VEGFA: variants seen among roughly 807,000 people sequenced by gnomAD.
VEGFA encodes vascular endothelial growth factor A, also known as vascular endothelial growth factor A, long form.
In VEGFA, 20 loss-of-function variants were observed where a neutral mutation model predicts 49.7. The ratio of observed to expected loss-of-function variants is 0.40; its 90% CI spans 0.28 to 0.58. The LOEUF (loss-of-function observed/expected upper bound fraction) is 0.58. VEGFA is among the 20% of genes least tolerant of loss of function. The pLI, the probability that VEGFA is intolerant of heterozygous loss-of-function variation, is 0.40. For synonymous variants in VEGFA, 219 were observed against 223.4 expected (o/e 0.98, Z 0.18); for missense variants, 505 against 553.5 (o/e 0.91, Z 0.88).
At chr6:43,781,442 G>A (rs1409665564) in intron 6 of VEGFA, 3 of 241,412 alleles carry the variant, frequency 1.2e-5, no homozygotes, top group African/African-American at 6.8e-5. Flanking sequence ...GGAGGCTGTG[G>A]TGGGCCCTGC....
At position 43,770,789 on chromosome 6, in the gene VEGFA, C is replaced by T. The variant is rs201786558; in HGVS notation, c.83C>T (p.Ala28Val). ...CGGCGGCGGACAGTGGACGCGGCGGCGAGCCGCGGGCAGGGGCCGGAGCCC... is the reference window on the plus strand; with the variant it reads ...CGGCGGCGGACAGTGGACGCGGCGGTGAGCCGCGGGCAGGGGCCGGAGCCC... Residue 28 changes from alanine (A) to valine (V), a missense_variant, in exon 1 of 8, where the codon GCG becomes GTG. This residue lies in a region of VEGFA where 340 missense variants were observed against 321.8 expected (regional missense o/e 1.06). Transcript: ENST00000672860. 1 of 1,473,752 alleles carries T rather than the reference C, an allele frequency of 6.8e-7. No individual in the cohort carries two copies. Among genetic ancestry groups the T allele is most frequent in the South Asian group, 1.4e-5 (1 of 73,168 alleles). The allele number at this position is 1,473,752 out of a possible 1,614,324, so 91.3% of individuals were successfully genotyped here.
At chr6:43,771,463 C>A in intron 1 of VEGFA, 151 bp downstream of exon 1, 1 of 810,448 alleles carries the variant, frequency 1.2e-6, no homozygotes, top group Non-Finnish European at 1.8e-6. Context: ...GTCTTAGGTG[C>A]AGGGGGAGGG....
chr6:43,774,111 A>T, intron 1 of VEGFA: 1 of 599,210 alleles, frequency 1.7e-6, no homozygotes, highest in South Asian at 1.9e-5. Context: ...AGCCCCCAAC[A>T]TCTGGTTAGT....
In VEGFA at chr6:43,781,753, G is replaced by A. The variant is rs3025023; in HGVS notation, c.1035-203G>A. ...CCCGTCTGTGCCCGCCTCTTCCTGC[G>A]GCAGGTGTCCTAGCCAGTGCTGCCT... is the stretch of plus-strand genomic sequence containing the variant. On this transcript the variant is annotated intron_variant, in intron 6 of 7. Transcript: ENST00000672860. The A allele has an allele frequency of 3.8e-3, 2,298 of 605,194 alleles. 48 individuals carry two copies. The highest frequency in any genetic ancestry group is 0.037 in the African/African-American group (2,019 of 54,206). The allele number at this position is 605,194 out of a possible 1,614,324, so 37.5% of individuals were successfully genotyped here.
chr6:43,777,717 C>T lies in VEGFA; in HGVS notation c.855+52C>T. 6.8e-7 allele frequency: 1 copy of T among 1,479,056 alleles called. No individual in the cohort carries two copies. Among genetic ancestry groups the T allele is most frequent in the Non-Finnish European group, 9.2e-7 (1 of 1,086,098 alleles). The allele number at this position is 1,479,056 out of a possible 1,614,324, so 91.6% of individuals were successfully genotyped here. Reference sequence around the variant, plus strand: ...GGGGGGGATAGGGAGGGGGGTAACACTTTGGGAACAGGTGGTCCCAGGTCG... The same window carrying T: ...GGGGGGGATAGGGAGGGGGGTAACATTTTGGGAACAGGTGGTCCCAGGTCG... On this transcript the variant is annotated intron_variant, in intron 3 of 7. Transcript: ENST00000672860. The surrounding 1 kb of genome is among the most constrained non-coding windows in gnomAD (Gnocchi z 4.3).
intron 1 of VEGFA, 73 bp downstream of exon 1, chr6:43,771,385 C>A (rs1217634721): frequency 7.1e-5 from 107 of 1,506,688 alleles, no homozygotes; most frequent in Non-Finnish European, 9.4e-5. Context: ...TGCGTGCGAG[C>A]GCGCGCGTGG....
rs1767343482 is a variant in VEGFA at position 43,780,794 on chromosome 6, C to T, written c.1025C>T (p.Ser342Phe). ...AAGCGCAAGAAATCCCGGTATAAGT[C>T]CTGGAGCGTGTACGTTGGTGCCCGC... The change falls in exon 6 of 8, where the codon TCC becomes TTC. Residue 342 changes from serine (S) to phenylalanine (F), a missense_variant. By Grantham distance (155) the Ser-to-Phe change is radical. Coordinates refer to ENST00000672860, the MANE Select transcript of VEGFA (RefSeq NM_003376.6). 6 of 1,613,856 alleles carry T rather than the reference C, an allele frequency of 3.7e-6. No individual in the cohort carries two copies. Among genetic ancestry groups the T allele is most frequent in the Non-Finnish European group, 5.1e-6 (6 of 1,179,984 alleles).
intron 6 of VEGFA, 75 bp downstream of exon 6, chr6:43,780,878 C>T (rs371796108): frequency 1.9e-5 from 30 of 1,610,932 alleles, no homozygotes; most frequent in Non-Finnish European, 2.5e-5. Context: ...CTGCCATTCC[C>T]TGTAACCCTG....
Position 43,781,940 on chromosome 6 carries a change from T to A in VEGFA, c.1035-16T>A. 6.2e-7 allele frequency: 1 copy of A among 1,613,548 alleles called. No homozygotes were observed. On this transcript the variant is annotated splice_polypyrimidine_tract_variant and intron_variant, in intron 6 of 7. Transcript: ENST00000672860. ...GATGCTCTAGCTTAGATGTCTTTCC[T>A]TTTGCCTTTTTGCAGTCCCTGTGGG... is the stretch of plus-strand genomic sequence containing the variant.
At chr6:43,779,129 A>T in intron 5 of VEGFA, 1 of 643,836 alleles carries the variant, frequency 1.6e-6, no homozygotes, top group Middle Eastern at 4.1e-4. Context: ...GGAGCCTGGC[A>T]CTTCCTTTGG....
chr6:43,780,382 C>T (rs1767080862), intron 5 of VEGFA: 2 of 383,084 alleles, frequency 5.2e-6, no homozygotes, highest in Non-Finnish European at 1.0e-5. Context: ...TTCCCTCAGG[C>T]TTTGCCCCCT....
At chr6:43,780,853 CA>C (rs780266600) in intron 6 of VEGFA, 50 bp downstream of exon 6, 3 of 1,613,420 alleles carry the variant, frequency 1.9e-6, no homozygotes, top group Non-Finnish European at 2.5e-6. Context: ...CCCTGGCCCC[CA>C]GTACAACCTC....
intron 3 of VEGFA, chr6:43,778,167 G>C: frequency 1.9e-6 from 1 of 535,794 alleles, no homozygotes; most frequent in Admixed American, 3.1e-5. Flanking sequence ...TGAAAGAAGG[G>C]GAGGGGATGG....
rs1313986907 is a variant in VEGFA at position 43,771,093 on chromosome 6, T to G, written c.387T>G (p.Ser129Arg). ...GTGAGGCGGCGGTGTGCGCAGACAG[T>G]GCTCCAGCCGCGCGCGCTCCCCAGG... The change falls in exon 1 of 8, where the codon AGT becomes AGG. Residue 129 changes from serine (S) to arginine (R), a missense_variant. Transcript: ENST00000672860. 30 of 1,473,110 alleles carry G rather than the reference T, an allele frequency of 2.0e-5. No homozygotes were observed. The highest frequency in any genetic ancestry group is 4.8e-4 in the Middle Eastern group (2 of 4,210). The allele number at this position is 1,473,110 out of a possible 1,614,324, so 91.3% of individuals were successfully genotyped here.
chr6:43,782,613 C>T (rs1182481676), intron 7 of VEGFA: 2 of 222,752 alleles, frequency 9.0e-6, no homozygotes, highest in South Asian at 6.5e-5. Context: ...CAGACTGGGC[C>T]TCCCTGAGGA....
chr6:43,784,488 C>G, intron 7 of VEGFA, 53 bp from the exon 8 acceptor site: 2 of 1,588,524 alleles, frequency 1.3e-6, no homozygotes, highest in Non-Finnish European at 1.7e-6. Context: ...TGCCTCATCG[C>G]CAGGCCTCCT....
chr6:43,780,902 G>A lies in VEGFA; in HGVS notation c.1034+99G>A, dbSNP rs762495017. The A allele has an allele frequency of 5.0e-6, 8 of 1,609,782 alleles. No homozygotes were observed. In the African/African-American group the frequency reaches 1.1e-4, roughly 22 times the overall value. On this transcript the variant is annotated intron_variant, in intron 6 of 7. Transcript: ENST00000672860. ...CCTGTAACCCTGCCTCCCTCCCCTG[G>A]TCCTTCCCTGGCTCTCATCCTCCTG...
intron 2 of VEGFA, chr6:43,774,772 C>T: frequency 2.7e-6 from 1 of 364,584 alleles, no homozygotes; most frequent in Non-Finnish European, 5.2e-6. Flanking sequence ...ATAGACATGT[C>T]CCATTTGTGG....
rs578148161 is a variant in VEGFA at position 43,784,731 on chromosome 6, T to A, written c.*169T>A. 5 of 1,311,626 alleles carry A rather than the reference T, an allele frequency of 3.8e-6. No individual in the cohort carries two copies. The highest frequency in any genetic ancestry group is 1.8e-4 in the Middle Eastern group (1 of 5,488). The allele number at this position is 1,311,626 out of a possible 1,614,324, so 81.2% of individuals were successfully genotyped here. A position where few individuals can be genotyped will look rare whatever the true frequency, so the allele number is the denominator to read the frequency against. ...CCTGAAATGAAGGAAGAGGAGACTC[T>A]GCGCAGAGCACTTTGGGTCCGGAGG... On this transcript the variant is annotated 3_prime_UTR_variant, in exon 8 of 8. Coordinates refer to ENST00000672860, the MANE Select transcript of VEGFA (RefSeq NM_003376.6).
Sources: gnomAD v4.1 joint callset for allele counts on GRCh38, gnomAD v4.1.1 for gene constraint, gnomAD v4.1.1 regional missense constraint, Gnocchi (gnomAD v3.1) non-coding constraint, MANE v1.5 for transcripts, NCBI Gene and HGNC (gene_info 2026-07-23, HGNC 2026-07-21) for gene names.